CHRNA5: variants seen among roughly 807,000 people sequenced by gnomAD.
The protein encoded by CHRNA5 is cholinergic receptor nicotinic alpha 5 subunit, also known as neuronal acetylcholine receptor subunit alpha-5.
CHRNA5 carries 28 observed loss-of-function variants against 41.2 expected under a neutral mutation model. That is an observed-to-expected ratio of 0.68 (90% CI 0.50 to 0.93). The LOEUF (loss-of-function observed/expected upper bound fraction) is 0.93. Ranked by LOEUF, CHRNA5 falls within the 40% of genes least tolerant of loss-of-function variation. CHRNA5 has a pLI of 0.00. For synonymous variants in CHRNA5, 188 were observed against 205.8 expected, an observed-to-expected ratio of 0.91 and a Z score of 0.74; for missense variants, 481 against 581.9, an observed-to-expected ratio of 0.83 and a Z score of 1.78.
intron 5 of CHRNA5, among the ~76,000 whole-genome samples, chr15:78,592,189 G>T (rs756053415): frequency 3.9e-5 from 6 of 152,176 alleles, no homozygotes; most frequent in Non-Finnish European, 8.8e-5. Context: ...GGGCATGGTG[G>T]TGTGTGCCTG....
chr15:78,583,194 T>G (rs186241373), intron 2 of CHRNA5, among the ~76,000 whole-genome samples: 1 of 152,162 alleles, frequency 6.6e-6, no homozygotes, highest in Non-Finnish European at 1.5e-5. Flanking sequence ...AGAGACCTGA[T>G]AGGCAACAGA....
At chr15:78,591,089 GC>G (rs2053008898) in intron 5 of CHRNA5, 1 of 157,210 alleles carries the variant, frequency 6.4e-6, no homozygotes, top group Non-Finnish European at 1.4e-5. Context: ...GTTCTTTTAG[GC>G]TGGGCGCAGT....
At chr15:78,586,755 T>TTTC in intron 3 of CHRNA5, 66 bp downstream of exon 3, 12 of 1,095,182 alleles carry the variant, frequency 1.1e-5, no homozygotes, top group Non-Finnish European at 1.7e-5. Context: ...ATTATATGTA[T>TTTC]TGTAGCAGAA....
rs71528533 is a variant in CHRNA5 at position 78,589,792 on chromosome 15, G to T, written c.414-13G>T. The T allele has an allele frequency of 1.3e-3, 2,045 of 1,523,698 alleles. 3 individuals carry two copies. Among genetic ancestry groups the T allele is most frequent in the Non-Finnish European group, 1.6e-3 (1,859 of 1,129,276 alleles). 94.4% of individuals were successfully genotyped at this position (1,523,698 alleles called of 1,614,324 possible). A position where few individuals can be genotyped will look rare whatever the true frequency, so the allele number is the denominator to read the frequency against. ...TAATTTCTGCATTGTTATTTTATAT[G>T]TGTGTATTTTAGTGCAGATGGACGT... On this transcript the variant is annotated splice_polypyrimidine_tract_variant and intron_variant, in intron 4 of 5. Coordinates refer to ENST00000299565, the Ensembl canonical transcript of CHRNA5.
intron 1 of CHRNA5, 75 bp downstream of exon 1, chr15:78,565,900 G>A: frequency 1.1e-6 from 1 of 923,612 alleles, no homozygotes; most frequent in Non-Finnish European, 1.4e-6. Context: ...AAGCCGCCAG[G>A]CGACGGCCGC....
chr15:78,583,944 CT>C (rs1567059149), intron 2 of CHRNA5, among the ~76,000 whole-genome samples: 1 of 152,058 alleles, frequency 6.6e-6, no homozygotes, highest in African/African-American at 2.4e-5. Context: ...TCACCTCCCA[CT>C]TTGATGAGTT....
At chr15:78,576,413 T>C (rs1054314604) in intron 1 of CHRNA5, among the ~76,000 whole-genome samples, 4 of 152,208 alleles carry the variant, frequency 2.6e-5, no homozygotes, top group African/African-American at 9.6e-5. Context: ...CCCAAAGTGC[T>C]GGGATTACAG....
chr15:78,566,399 C>T (rs1379911542), intron 1 of CHRNA5, among the ~76,000 whole-genome samples: 2 of 152,212 alleles, frequency 1.3e-5, no homozygotes, highest in African/African-American at 2.4e-5. Context: ...TCACTAGCTC[C>T]TTAGAGCACA....
At chr15:78,595,009 G>A (rs1350686715) in exon 6 of CHRNA5, 1 of 152,190 alleles carries the variant, frequency 6.6e-6, no homozygotes, top group African/African-American at 2.4e-5. Context: ...ACTCTTAGCT[G>A]TTGAGATCAC....
intron 1 of CHRNA5, among the ~76,000 whole-genome samples, chr15:78,566,479 T>C (rs1380031679): frequency 1.3e-5 from 2 of 152,216 alleles, no homozygotes; most frequent in Non-Finnish European, 2.9e-5. Context: ...AATCGCGTAG[T>C]CCTACATGTT....
intron 1 of CHRNA5, among the ~76,000 whole-genome samples, chr15:78,567,625 A>G (rs149116339): frequency 6.6e-6 from 1 of 152,268 alleles, no homozygotes; most frequent in African/African-American, 2.4e-5. Flanking sequence ...AAGCTCCTTA[A>G]GAACTGTGAT....
chr15:78,565,643 T>C, exon 1 of CHRNA5: 1 of 376,888 alleles, frequency 2.7e-6, no homozygotes. Flanking sequence ...CACTCAGTGC[T>C]CCATTCCCCA....
chr15:78,589,840 C>G (rs199550371), exon 5 of CHRNA5: 2 of 1,607,384 alleles, frequency 1.2e-6, no homozygotes, highest in Non-Finnish European at 1.7e-6. Context: ...AGTACGAAAA[C>G]AGTCATCAGG....
chr15:78,570,527 C>T lies in CHRNA5; in HGVS notation c.106+4702C>T, dbSNP rs1236815700. On this transcript the variant is annotated intron_variant, in intron 1 of 5. Transcript: ENST00000299565. ...TCGAATGATCCGCCCGCCTTGGCTT[C>T]GCAAAGTGCTGGGATTACAGGTGTG... is the stretch of plus-strand genomic sequence containing the variant. 2.7e-5 allele frequency among the ~76,000 whole-genome samples: 4 copies of T among 148,502 alleles called. No homozygotes were observed. The East Asian group carries it at 5.9e-4, about 22-fold the overall frequency.
chr15:78,580,818 T>C (rs1370293221), exon 2 of CHRNA5: 2 of 1,611,844 alleles, frequency 1.2e-6, no homozygotes, highest in Admixed American at 1.7e-5. Context: ...CAGGATTATC[T>C]GAACCTTCTT....
intron 1 of CHRNA5, among the ~76,000 whole-genome samples, chr15:78,569,330 A>G (rs1275416937): frequency 1.3e-5 from 2 of 152,176 alleles, no homozygotes. Flanking sequence ...TTTTCTTCTA[A>G]TAGCATTATT....
intron 1 of CHRNA5, among the ~76,000 whole-genome samples, chr15:78,580,446 A>C (rs923207427): frequency 1.3e-5 from 2 of 151,410 alleles, no homozygotes; most frequent in African/African-American, 4.9e-5. Context: ...ATTTGAAACT[A>C]TTCTGTATTG....
intron 1 of CHRNA5, among the ~76,000 whole-genome samples, chr15:78,572,837 G>A (rs2141400235): frequency 6.6e-6 from 1 of 152,262 alleles, no homozygotes; most frequent in South Asian, 2.1e-4. Context: ...ACATGTTTCT[G>A]TGTGTGAGTG....
intron 5 of CHRNA5, chr15:78,590,858 T>C (rs976671623): frequency 1.9e-6 from 1 of 522,790 alleles, no homozygotes; most frequent in Non-Finnish European, 3.4e-6. Context: ...ACTTCTCCAC[T>C]TCCCCCATCA....
Sources: allele counts gnomAD v4.1 joint callset (sites outside exome capture counted in the v4.1 genomes callset), GRCh38; gene constraint gnomAD v4.1.1; transcripts MANE v1.5; gene names NCBI Gene and HGNC (gene_info 2026-07-23, HGNC 2026-07-21).